The following BLTP2 variants were observed in gnomAD, a reference collection of about 807,000 sequenced individuals.
BLTP2 encodes U937-associated antigen.
chr17:28,628,542 A>G, the BLTP2 span: 5 of 1,613,674 alleles, frequency 3.1e-6, no homozygotes, highest in East Asian at 4.5e-5. Context: ...TAGGATCCCC[A>G]TCACGAGCAG....
the BLTP2 span, among the ~76,000 whole-genome samples, chr17:28,629,685 G>T: frequency 6.6e-6 from 1 of 152,078 alleles, no homozygotes; most frequent in Non-Finnish European, 1.5e-5. Flanking sequence ...CACCATATTG[G>T]CCAGGCTGGT....
the BLTP2 span, chr17:28,632,084 G>A: frequency 6.2e-7 from 1 of 1,614,138 alleles, no homozygotes; most frequent in Non-Finnish European, 8.5e-7. Context: ...TAGGAAAGTT[G>A]CTTGTAGTGC....
the BLTP2 span, among the ~76,000 whole-genome samples, chr17:28,644,364 A>AG: frequency 6.6e-6 from 1 of 152,248 alleles, no homozygotes; most frequent in Non-Finnish European, 1.5e-5. Flanking sequence ...TCAAGATCCT[A>AG]GCTCCCGACT....
At chr17:28,626,027 T>G in the BLTP2 span, among the ~76,000 whole-genome samples, 1 of 152,162 alleles carries the variant, frequency 6.6e-6, no homozygotes, top group Non-Finnish European at 1.5e-5. Flanking sequence ...CCTCCCAAAG[T>G]GCTGGGACTA....
At chr17:28,641,810 G>T in the BLTP2 span, 2 of 1,263,126 alleles carry the variant, frequency 1.6e-6, no homozygotes, top group Non-Finnish European at 2.2e-6. Flanking sequence ...TAAATAAGCA[G>T]TGAGACCACT....
chr17:28,616,272 CT>C, the BLTP2 span: 7 of 1,600,918 alleles, frequency 4.4e-6, no homozygotes, highest in Non-Finnish European at 6.0e-6. This position sits in a 1 kb window ranked among gnomAD's most constrained non-coding sequence, Gnocchi z 4.8. Flanking sequence ...TCTCCCTCTT[CT>C]TTTATCCCTA....
chr17:28,623,955 A>G, the BLTP2 span: 4 of 1,613,500 alleles, frequency 2.5e-6, no homozygotes, highest in Non-Finnish European at 3.4e-6. Context: ...TCTCTGCTCC[A>G]CGAAGAACCA....
the BLTP2 span, chr17:28,643,223 C>A: frequency 6.2e-7 from 1 of 1,614,164 alleles, no homozygotes; most frequent in East Asian, 2.2e-5. Context: ...TCCACCCCAG[C>A]GCTCTGGGAG....
the BLTP2 span, chr17:28,628,472 G>A: frequency 1.9e-6 from 3 of 1,614,024 alleles, no homozygotes; most frequent in Non-Finnish European, 2.5e-6. Flanking sequence ...GCAATGTCTC[G>A]ATTGGTAGTT....
the BLTP2 span, among the ~76,000 whole-genome samples, chr17:28,628,915 CAG>C: frequency 2.7e-5 from 4 of 149,400 alleles, no homozygotes; most frequent in African/African-American, 7.4e-5. Flanking sequence ...GCCCAGGCGA[CAG>C]AGAGAGACGC....
At chr17:28,630,350 G>A in the BLTP2 span, among the ~76,000 whole-genome samples, 2 of 151,218 alleles carry the variant, frequency 1.3e-5, no homozygotes, top group African/African-American at 4.9e-5. Flanking sequence ...TAGAGACAGG[G>A]TTTCCTCATG....
chr17:28,634,771 T>C, the BLTP2 span: 1 of 1,613,968 alleles, frequency 6.2e-7, no homozygotes, highest in Non-Finnish European at 8.5e-7. Flanking sequence ...GTTTTTGCGT[T>C]CCAAAGAGGC....
At chr17:28,637,124 T>C in the BLTP2 span, 3 of 1,614,176 alleles carry the variant, frequency 1.9e-6, no homozygotes, top group Non-Finnish European at 2.5e-6. Flanking sequence ...TGGACGTCTC[T>C]GCACTGCCCA....
At chr17:28,618,852 G>C in the BLTP2 span, 1 of 1,614,112 alleles carries the variant, frequency 6.2e-7, no homozygotes. Flanking sequence ...ATCTTCCTCT[G>C]TCAGGCGCCA....
chr17:28,633,212 C>T, the BLTP2 span: 1 of 1,599,432 alleles, frequency 6.3e-7, no homozygotes, highest in Non-Finnish European at 8.6e-7. Flanking sequence ...ACTCACTTCC[C>T]CTTGGCTCTT....
At chr17:28,638,551 C>A in the BLTP2 span, 1 of 1,612,492 alleles carries the variant, frequency 6.2e-7, no homozygotes, top group African/African-American at 1.3e-5. Context: ...AATCCCAAGG[C>A]AAAAGGTGGT....
chr17:28,635,883 A>C, the BLTP2 span: 2 of 372,838 alleles, frequency 5.4e-6, no homozygotes, highest in Admixed American at 8.6e-5. Context: ...CATGTGTCTT[A>C]ATTCTTTGGT....
the BLTP2 span, chr17:28,638,056 C>T: frequency 6.2e-7 from 1 of 1,614,240 alleles, no homozygotes; most frequent in Non-Finnish European, 8.5e-7. Context: ...GGGTATCTGA[C>T]TGGGTGCTGG....
the BLTP2 span, chr17:28,643,624 A>T: frequency 9.3e-6 from 15 of 1,613,882 alleles, no homozygotes; most frequent in Non-Finnish European, 1.2e-5. Flanking sequence ...GATCATGGCT[A>T]AGGAGTTTGC....
Sources: allele counts gnomAD v4.1 joint callset (sites outside exome capture counted in the v4.1 genomes callset), GRCh38; gene constraint gnomAD v4.1.1; non-coding constraint Gnocchi (gnomAD v3.1); transcripts MANE v1.5; gene names NCBI Gene and HGNC (gene_info 2026-07-23, HGNC 2026-07-21).